The following WT1 variants were observed in gnomAD, a reference collection of about 807,000 sequenced individuals.
WT1 encodes WT1 transcription factor.
WT1 carries 8 observed loss-of-function variants against 60.8 expected under a neutral mutation model. That is an observed-to-expected ratio of 0.13 (90% CI 0.08 to 0.24). WT1 has a LOEUF of 0.24. WT1 is among the 10% of genes least tolerant of loss of function. The pLI is 1.00. For missense variants in WT1, 568 were observed against 711.8 expected (o/e 0.80, Z 2.30); for synonymous variants, 312 against 297.1 (o/e 1.05, Z -0.52).
intron 5 of WT1, among the ~76,000 whole-genome samples, chr11:32,407,039 C>T (rs1471907572): frequency 6.6e-6 from 1 of 152,054 alleles, no homozygotes; most frequent in Non-Finnish European, 1.5e-5. Flanking sequence ...GCAGAGTTTG[C>T]AGTGAGCCAA....
At position 32,389,898 on chromosome 11, in the gene WT1, G is replaced by A. The variant is rs534658026; in HGVS notation, c.1448-719C>T. ...CTTTCCAAGCCTCATTCTCATTAGG[G>A]AGAATAACTACCATTTATTTGATGC... On this transcript the variant is annotated intron_variant, in intron 9 of 9. Transcript: ENST00000452863. Among the ~76,000 whole-genome samples the A allele has an allele frequency of 6.6e-5, 10 of 152,230 alleles. 1 individual carries two copies. In the South Asian group the frequency reaches 1.9e-3, roughly 28 times the overall value.
At chr11:32,407,964 T>C (rs1852368337) in intron 5 of WT1, among the ~76,000 whole-genome samples, 1 of 152,174 alleles carries the variant, frequency 6.6e-6, no homozygotes, top group Admixed American at 6.5e-5. Context: ...GGATCATGCC[T>C]GTAATCCCAG....
intron 5 of WT1, among the ~76,000 whole-genome samples, chr11:32,414,166 A>C (rs991824337): frequency 3.9e-5 from 6 of 152,256 alleles, no homozygotes; most frequent in South Asian, 4.1e-4. Flanking sequence ...TTGCTCTGCA[A>C]AACAGTTGTT....
In WT1 at chr11:32,417,570, A is replaced by C. The variant is rs1590375400; in HGVS notation, c.965+7T>G. The C allele has an allele frequency of 2.5e-6, 4 of 1,612,896 alleles. No homozygotes were observed. Among genetic ancestry groups the C allele is most frequent in the Non-Finnish European group, 3.4e-6 (4 of 1,178,952 alleles). Reference sequence around the variant, plus strand: ...GTGGAAAGGCAATGGAATAGAGAAAACCTTACCCCTTTAAGGTGGCTCCTA... The same window carrying C: ...GTGGAAAGGCAATGGAATAGAGAAACCCTTACCCCTTTAAGGTGGCTCCTA... On this transcript the variant is annotated splice_region_variant and intron_variant, in intron 4 of 9. Transcript: ENST00000452863.
chr11:32,424,589 G>C (rs4258351), intron 3 of WT1, among the ~76,000 whole-genome samples: 34,506 of 152,134 alleles, frequency 0.23, 5,527 homozygotes, highest in African/African-American at 0.45. Context: ...CACCCACCTT[G>C]TATATGAGAG....
intron 7 of WT1, among the ~76,000 whole-genome samples, chr11:32,394,139 C>T (rs1590335072): frequency 6.6e-6 from 1 of 152,176 alleles, no homozygotes; most frequent in South Asian, 2.1e-4. Context: ...GCAATCCTCC[C>T]GCCTACGCCT....
chr11:32,416,672 C>A (rs1367338399), intron 4 of WT1, 132 bp from the exon 5 acceptor site: 1 of 1,159,420 alleles, frequency 8.6e-7, no homozygotes, highest in Non-Finnish European at 1.3e-6. Flanking sequence ...GAGTGCTGAA[C>A]TAAGTCCCCA....
At chr11:32,391,775 C>T (rs1590330973) in intron 9 of WT1, among the ~76,000 whole-genome samples, 197 bp downstream of exon 9, 1 of 152,294 alleles carries the variant, frequency 6.6e-6, no homozygotes, top group East Asian at 1.9e-4. Flanking sequence ...TTCTCCTTCT[C>T]TGTATTTCCA....
chr11:32,397,918 A>G (rs1030745319), intron 6 of WT1, among the ~76,000 whole-genome samples: 9 of 152,224 alleles, frequency 5.9e-5, no homozygotes, highest in African/African-American at 2.2e-4. Context: ...TTTAGAGGCC[A>G]TGGCAAGTGA....
intron 9 of WT1, among the ~76,000 whole-genome samples, chr11:32,391,033 C>T (rs1851801611): frequency 6.6e-6 from 1 of 152,074 alleles, no homozygotes; most frequent in Non-Finnish European, 1.5e-5. Context: ...GGTTGGAGTA[C>T]AGTGGTGGGA....
chr11:32,426,009 A>G (rs1248147931), intron 3 of WT1, among the ~76,000 whole-genome samples: 1 of 152,132 alleles, frequency 6.6e-6, no homozygotes, highest in Non-Finnish European at 1.5e-5. Context: ...AGTGGTAATG[A>G]TCGCTTTTTC....
chr11:32,389,272 C>G (rs1851749896), intron 9 of WT1, 93 bp from the exon 10 acceptor site: 7 of 1,601,434 alleles, frequency 4.4e-6, no homozygotes, highest in Non-Finnish European at 6.0e-6. Context: ...CACAAGGCAC[C>G]CACTCTGAAT....
At chr11:32,429,279 C>A (rs5030157) in intron 1 of WT1, among the ~76,000 whole-genome samples, 6 of 152,030 alleles carry the variant, frequency 3.9e-5, no homozygotes, top group Admixed American at 6.5e-5. Flanking sequence ...CCTCCTCCCC[C>A]CTATGGGACC....
chr11:32,400,266 T>A, intron 5 of WT1: 1 of 623,378 alleles, frequency 1.6e-6, no homozygotes. Context: ...ATCCTCCGAT[T>A]CTCGTAGGCG....
Position 32,387,786 on chromosome 11 carries a change from A to G in WT1, c.*1272T>C, listed in dbSNP as rs1851697921. 1 of 233,014 alleles carries G rather than the reference A, an allele frequency of 4.3e-6. No individual in the cohort carries two copies. Among genetic ancestry groups the G allele is most frequent in the Non-Finnish European group, 8.5e-6 (1 of 117,986 alleles). 14.4% of individuals were successfully genotyped at this position (233,014 alleles called of 1,614,324 possible). On this transcript the variant is annotated 3_prime_UTR_variant, in exon 10 of 10. Coordinates refer to ENST00000452863, the MANE Select transcript of WT1 (RefSeq NM_024426.6). The stretch of plus-strand genomic sequence containing the variant: ...TGGAATCTTGCCACTTTCCTTTTGA[A>G]TAGACTTTAATTGAGAGCAAAGTGA...
At chr11:32,397,304 G>C (rs1321707893) in intron 6 of WT1, among the ~76,000 whole-genome samples, 1 of 152,136 alleles carries the variant, frequency 6.6e-6, no homozygotes, top group East Asian at 1.9e-4. Context: ...TGACACAAGA[G>C]TGCATCCATG....
chr11:32,402,273 A>C (rs1852180766), intron 5 of WT1, among the ~76,000 whole-genome samples: 1 of 152,204 alleles, frequency 6.6e-6, no homozygotes, highest in Non-Finnish European at 1.5e-5. Context: ...AACCTGCAAA[A>C]ATTGGGCAAA....
intron 5 of WT1, among the ~76,000 whole-genome samples, chr11:32,416,005 T>G (rs1852656558): frequency 6.6e-6 from 1 of 152,102 alleles, no homozygotes; most frequent in Non-Finnish European, 1.5e-5. Context: ...GGTACAGGGC[T>G]GGGGAAGGTG....
chr11:32,389,618 A>T lies in WT1; in HGVS notation c.1448-439T>A, dbSNP rs201605903. 3.3e-5 allele frequency among the ~76,000 whole-genome samples: 5 copies of T among 152,280 alleles called. No individual in the cohort carries two copies. The East Asian group carries it at 9.6e-4, about 29-fold the overall frequency. On this transcript the variant is annotated intron_variant, in intron 9 of 9. Coordinates refer to ENST00000452863, the MANE Select transcript of WT1 (RefSeq NM_024426.6). ...CTACCCTGGGTATTACTGAGTGATC[A>T]CTGTCCAGGGATCTCAGCTGTGACT... is the stretch of plus-strand genomic sequence containing the variant.
Sources: gnomAD v4.1 joint callset for allele counts (sites outside exome capture counted in the v4.1 genomes callset) on GRCh38, gnomAD v4.1.1 for gene constraint, MANE v1.5 for transcripts, NCBI Gene and HGNC (gene_info 2026-07-23, HGNC 2026-07-21) for gene names.